Variants in PIEZO2 observed in about 807,000 individuals in gnomAD.
PIEZO2 encodes piezo type mechanosensitive ion channel component 2.
In PIEZO2, 172 loss-of-function variants were observed where a neutral mutation model predicts 337.3. The ratio of observed to expected loss-of-function variants is 0.51; its 90% confidence interval spans 0.45 to 0.58. The LOEUF (loss-of-function observed/expected upper bound fraction) is 0.58, where lower values mean the gene tolerates loss of function less well. Ranked by LOEUF, PIEZO2 falls within the 20% of genes least tolerant of loss-of-function variation. The pLI is 0.00. For synonymous variants in PIEZO2, 1,251 were observed against 1,228.5 expected (o/e 1.02, Z -0.38); for missense variants, 3,028 against 3,391.3 (o/e 0.89, Z 2.66).
rs1446628563 is a variant in PIEZO2 at position 10,861,248 on chromosome 18, T to G, written c.493-4037A>C. Among the ~76,000 whole-genome samples, 1 of 152,230 alleles carries G rather than the reference T, an allele frequency of 6.6e-6. No homozygotes were observed. The highest frequency in any genetic ancestry group is 2.4e-5 in the African/African-American group (1 of 41,472). On this transcript the variant is annotated intron_variant, in intron 5 of 55. Coordinates refer to ENST00000674853, the MANE Select transcript of PIEZO2 (RefSeq NM_001378183.1). The surrounding 1 kb of genome is among the most constrained non-coding windows in gnomAD (Gnocchi z 4.3). ...TGAGGCTAAGGAGGAGGAAAGGCTG[T>G]AAATAAAGATTTAACTTCCCTGGTT...
At position 11,004,630 on chromosome 18, in the gene PIEZO2, G is replaced by T. The variant is rs138697560; in HGVS notation, c.161-24970C>A. Reference sequence around the variant, plus strand: ...TACAAGAAATGGCTGCTTTGTTGATGAAGCTGTCAAAATCAGAAGGGAGAT... The same window carrying T: ...TACAAGAAATGGCTGCTTTGTTGATTAAGCTGTCAAAATCAGAAGGGAGAT... On this transcript the variant is annotated intron_variant, in intron 2 of 55. Transcript: ENST00000674853. Among the ~76,000 whole-genome samples, 969 of 152,292 alleles carry T rather than the reference G, an allele frequency of 6.4e-3. 13 individuals carry two copies. Among genetic ancestry groups the T allele is most frequent in the African/African-American group, 0.022 (910 of 41,562 alleles).
At chr18:10,897,159 C>A (rs1299959376) in intron 4 of PIEZO2, among the ~76,000 whole-genome samples, 1 of 151,860 alleles carries the variant, frequency 6.6e-6, no homozygotes, top group Non-Finnish European at 1.5e-5. Flanking sequence ...ATATGGTTCT[C>A]ATGGTAGTGA....
chr18:10,799,077 G>A (rs1050159394), intron 11 of PIEZO2, among the ~76,000 whole-genome samples: 3 of 152,182 alleles, frequency 2.0e-5, no homozygotes, highest in Non-Finnish European at 2.9e-5. Flanking sequence ...GAAGCCCTGT[G>A]GGGCAACTCC....
rs1019988522 is a variant in PIEZO2 at position 11,048,030 on chromosome 18, C to G, written c.160+18097G>C. ...ATGGTCTGCAGCTCTGAAAGTGGTTCCAGGCCAACCCACCCAGTGACACCT... is the reference window on the plus strand; with the variant it reads ...ATGGTCTGCAGCTCTGAAAGTGGTTGCAGGCCAACCCACCCAGTGACACCT... On this transcript the variant is annotated intron_variant, in intron 2 of 55. Transcript: ENST00000674853. This position sits in a 1 kb window ranked among gnomAD's most constrained non-coding sequence, Gnocchi z 4.5. Among the ~76,000 whole-genome samples, 1 of 152,124 alleles carries G rather than the reference C, an allele frequency of 6.6e-6. No individual in the cohort carries two copies. Among genetic ancestry groups the G allele is most frequent in the Non-Finnish European group, 1.5e-5 (1 of 68,026 alleles).
Position 10,726,802 on chromosome 18 carries a change from C to A in PIEZO2, c.5029+4605G>T. ...GTCCTATGAGGATGTGGACCACCTG[C>A]GGCCCCATGGGGTGCTGGATAATAC... On this transcript the variant is annotated intron_variant, in intron 36 of 55. Coordinates refer to ENST00000674853, the MANE Select transcript of PIEZO2 (RefSeq NM_001378183.1). The surrounding 1 kb of genome is among the most constrained non-coding windows in gnomAD (Gnocchi z 5.9). The A allele has an allele frequency of 3.2e-6, 5 of 1,553,994 alleles. No individual in the cohort carries two copies. The highest frequency in any genetic ancestry group is 4.4e-6 in the Non-Finnish European group (5 of 1,132,802).
rs1234862255 is a variant in PIEZO2, at chr18:11,033,675, A to G, written c.160+32452T>C. On this transcript the variant is annotated intron_variant, in intron 2 of 55. Coordinates refer to ENST00000674853, the MANE Select transcript of PIEZO2 (RefSeq NM_001378183.1). The surrounding 1 kb of genome is among the most constrained non-coding windows in gnomAD (Gnocchi z 4.2). ...GTCAGACATATATAGCACATGCCAGAAATGAAGCACTTTCTGTCATGTGAA... is the reference window on the plus strand; with the variant it reads ...GTCAGACATATATAGCACATGCCAGGAATGAAGCACTTTCTGTCATGTGAA... 6.6e-6 allele frequency among the ~76,000 whole-genome samples: 1 copy of G among 152,212 alleles called. No homozygotes were observed. Among genetic ancestry groups the G allele is most frequent in the Non-Finnish European group, 1.5e-5 (1 of 68,036 alleles).
chr18:10,956,554 A>C (rs552683172), intron 3 of PIEZO2, among the ~76,000 whole-genome samples: 5 of 152,240 alleles, frequency 3.3e-5, no homozygotes, highest in Non-Finnish European at 7.3e-5. Context: ...ATGGAGCAAC[A>C]AAAGACCCCA....
Position 11,035,317 on chromosome 18 carries a change from CTCTCTCTCTCTCTCTCTT to C in PIEZO2, c.160+30792_160+30809del, listed in dbSNP as rs1157340220. Among the ~76,000 whole-genome samples, 10 of 50,800 alleles carry C rather than the reference CTCTCTCTCTCTCTCTCTT, an allele frequency of 2.0e-4. No homozygotes were observed. Among genetic ancestry groups the C allele is most frequent in the Non-Finnish European group, 3.6e-4 (10 of 27,696 alleles). The allele number at this position is 50,800 out of a possible 152,430, so 33.3% of individuals were successfully genotyped here. ...CCTGGCACCTTCTCTCTCTCTCCCT[CTCTCTCTCTCTCTCTCTT>C]TCTCTCTCTCTCATTCCCTCTCTCA... On this transcript the variant is annotated intron_variant, in intron 2 of 55. Transcript: ENST00000674853. The surrounding 1 kb of genome is among the most constrained non-coding windows in gnomAD (Gnocchi z 4.3).
intron 39 of PIEZO2, among the ~76,000 whole-genome samples, chr18:10,711,433 GT>G (rs1264462132): frequency 6.6e-6 from 1 of 151,982 alleles, no homozygotes; most frequent in Admixed American, 6.6e-5. Context: ...CCTTGAGATT[GT>G]ATGAAAAAAA....
rs1455646224 is a variant in PIEZO2, at chr18:11,097,206, G to T, written c.65-30984C>A. On this transcript the variant is annotated intron_variant, in intron 1 of 55. Coordinates refer to ENST00000674853, the MANE Select transcript of PIEZO2 (RefSeq NM_001378183.1). The surrounding 1 kb of genome is among the most constrained non-coding windows in gnomAD (Gnocchi z 5.0). Reference sequence around the variant, plus strand: ...AAGAATGCTTTTTATATGTTTAAATGATTGAAAAAAAAAGTCAAAAGAAGA... The same window carrying T: ...AAGAATGCTTTTTATATGTTTAAATTATTGAAAAAAAAAGTCAAAAGAAGA... Among the ~76,000 whole-genome samples the T allele has an allele frequency of 1.3e-5, 2 of 151,698 alleles. No homozygotes were observed. Among genetic ancestry groups the T allele is most frequent in the Non-Finnish European group, 2.9e-5 (2 of 67,910 alleles).
chr18:10,796,512 A>G (rs1349584502), intron 12 of PIEZO2, among the ~76,000 whole-genome samples: 1 of 152,256 alleles, frequency 6.6e-6, no homozygotes, highest in African/African-American at 2.4e-5. Context: ...TCATTTAAAA[A>G]AACTAATATG....
At chr18:10,858,329 A>ACCCCG in intron 5 of PIEZO2, among the ~76,000 whole-genome samples, 1 of 135,948 alleles carries the variant, frequency 7.4e-6, no homozygotes, top group African/African-American at 2.9e-5. Flanking sequence ...CCCAAAAAAA[A>ACCCCG]AAAAAAAAAA....
chr18:10,947,413 T>C (rs539112011), intron 3 of PIEZO2, among the ~76,000 whole-genome samples: 1 of 152,174 alleles, frequency 6.6e-6, no homozygotes, highest in Non-Finnish European at 1.5e-5. Flanking sequence ...TTGTGTCTTA[T>C]AAAAGTATGT....
rs1019170461 is a variant in PIEZO2 at position 10,813,674 on chromosome 18, G to A, written c.918-6400C>T. On this transcript the variant is annotated intron_variant, in intron 7 of 55. Transcript: ENST00000674853. This position sits in a 1 kb window ranked among gnomAD's most constrained non-coding sequence, Gnocchi z 4.2. ...ATGGCACTTCCACCTTCTGACTATT[G>A]TTCATAACGCTGTTATGAACATGGG... is the stretch of plus-strand genomic sequence containing the variant. Among the ~76,000 whole-genome samples, 1 of 151,954 alleles carries A rather than the reference G, an allele frequency of 6.6e-6. No homozygotes were observed. Among genetic ancestry groups the A allele is most frequent in the Admixed American group, 6.6e-5 (1 of 15,244 alleles).
In PIEZO2 at chr18:10,993,621, G is replaced by A. The variant is rs1056190904; in HGVS notation, c.161-13961C>T. 2.6e-5 allele frequency among the ~76,000 whole-genome samples: 4 copies of A among 152,094 alleles called. No homozygotes were observed. Among genetic ancestry groups the A allele is most frequent in the African/African-American group, 9.7e-5 (4 of 41,416 alleles). On this transcript the variant is annotated intron_variant, in intron 2 of 55. Transcript: ENST00000674853. This position sits in a 1 kb window ranked among gnomAD's most constrained non-coding sequence, Gnocchi z 5.0. ...GCCTCACTGCAACCTCCGCCTCCCG[G>A]GTTAACGCCATTCTCCTGCCTCAGC...
In PIEZO2 at chr18:10,775,220, T is replaced by C. The variant is rs939922734; in HGVS notation, c.2535-1182A>G. ...TTATTTTCCTAAGCTAGTCAATTCA[T>C]CCTCTCGACTTTGGAGAAGTTAGCT... On this transcript the variant is annotated intron_variant, in intron 18 of 55. Coordinates refer to ENST00000674853, the MANE Select transcript of PIEZO2 (RefSeq NM_001378183.1). The surrounding 1 kb of genome is among the most constrained non-coding windows in gnomAD (Gnocchi z 4.3). 6.6e-6 allele frequency among the ~76,000 whole-genome samples: 1 copy of C among 152,214 alleles called. No homozygotes were observed. Among genetic ancestry groups the C allele is most frequent in the African/African-American group, 2.4e-5 (1 of 41,468 alleles).
chr18:11,053,219 C>G (rs560332871), intron 2 of PIEZO2, among the ~76,000 whole-genome samples: 3 of 152,104 alleles, frequency 2.0e-5, no homozygotes, highest in African/African-American at 4.8e-5. Context: ...AATGACCAAT[C>G]AATTAATCTA....
At chr18:10,926,727 T>A (rs2031762348) in intron 3 of PIEZO2, among the ~76,000 whole-genome samples, 1 of 152,178 alleles carries the variant, frequency 6.6e-6, no homozygotes, top group South Asian at 2.1e-4. Flanking sequence ...CCCGTCCTCT[T>A]GGTAGGATCA....
chr18:10,823,552 AT>A (rs1003206336), intron 7 of PIEZO2, among the ~76,000 whole-genome samples: 1 of 152,194 alleles, frequency 6.6e-6, no homozygotes, highest in Non-Finnish European at 1.5e-5. Flanking sequence ...TGAAGGAATA[AT>A]TTTTTTCATT....
Sources: allele counts gnomAD v4.1 joint callset (sites outside exome capture counted in the v4.1 genomes callset), GRCh38; gene constraint gnomAD v4.1.1; non-coding constraint Gnocchi (gnomAD v3.1); transcripts MANE v1.5; gene names NCBI Gene and HGNC (gene_info 2026-07-23, HGNC 2026-07-21).